The following EXOC4 variants were observed in gnomAD, a reference collection of about 807,000 sequenced individuals.
EXOC4 encodes SEC8-like 1.
EXOC4 carries 71 observed loss-of-function variants against 107.2 expected under a neutral mutation model. The ratio of observed to expected loss-of-function variants is 0.66; its 90% CI spans 0.55 to 0.81. The LOEUF is 0.81. EXOC4 is among the 30% of genes least tolerant of loss of function. The pLI is 0.00. For synonymous variants in EXOC4, 456 were observed against 441.2 expected, an observed-to-expected ratio of 1.03 and a Z score of -0.42; for missense variants, 1,108 against 1,189.6, an observed-to-expected ratio of 0.93 and a Z score of 1.01.
chr7:133,813,413 T>C (rs1050358937), intron 10 of EXOC4, among the ~76,000 whole-genome samples: 3 of 152,232 alleles, frequency 2.0e-5, no homozygotes, highest in Non-Finnish European at 4.4e-5. Flanking sequence ...ATAGAGATTC[T>C]GATGATTAAT....
chr7:133,905,298 G>C (rs1318970639), intron 12 of EXOC4, among the ~76,000 whole-genome samples: 1 of 152,194 alleles, frequency 6.6e-6, no homozygotes, highest in Non-Finnish European at 1.5e-5. Context: ...TCTAGAGACA[G>C]ACTGTGCCTC....
At chr7:133,370,649 C>T (rs143279304) in intron 6 of EXOC4, among the ~76,000 whole-genome samples, 261 of 152,232 alleles carry the variant, frequency 1.7e-3, no homozygotes, top group African/African-American at 5.9e-3. Context: ...GAATGGGAGG[C>T]AGGTTTGCAC....
At chr7:133,598,912 A>G (rs2150985153) in intron 9 of EXOC4, among the ~76,000 whole-genome samples, 2 of 152,250 alleles carry the variant, frequency 1.3e-5, no homozygotes, top group African/African-American at 4.8e-5. Flanking sequence ...TGAACCCACT[A>G]GGCACAGGTT....
At chr7:133,329,846 A>G (rs922112195) in intron 5 of EXOC4, among the ~76,000 whole-genome samples, 46 of 152,120 alleles carry the variant, frequency 3.0e-4, no homozygotes, top group African/African-American at 1.1e-3. Context: ...GCTCTCCTTT[A>G]TGAGGTGTCT....
At chr7:133,591,321 G>C (rs1801537015) in intron 9 of EXOC4, among the ~76,000 whole-genome samples, 1 of 152,038 alleles carries the variant, frequency 6.6e-6, no homozygotes, top group African/African-American at 2.4e-5. Context: ...GGTGAGCCTT[G>C]GCACCCCAGC....
At chr7:133,853,520 T>C (rs1265567103) in intron 11 of EXOC4, among the ~76,000 whole-genome samples, 1 of 152,136 alleles carries the variant, frequency 6.6e-6, no homozygotes, top group African/African-American at 2.4e-5. Flanking sequence ...CATGCACCAC[T>C]GCACCTGGTT....
chr7:133,950,415 C>G (rs141858280), intron 14 of EXOC4, among the ~76,000 whole-genome samples: 1 of 152,014 alleles, frequency 6.6e-6, no homozygotes, highest in Non-Finnish European at 1.5e-5. Context: ...TATACTTTAC[C>G]CAAGCTTTGG....
chr7:133,309,063 G>A (rs1179375366), intron 4 of EXOC4, among the ~76,000 whole-genome samples: 2 of 152,038 alleles, frequency 1.3e-5, no homozygotes, highest in Non-Finnish European at 2.9e-5. Flanking sequence ...TTTCTATCTG[G>A]GACATAGATT....
intron 14 of EXOC4, among the ~76,000 whole-genome samples, chr7:133,945,873 T>A (rs1289837597): frequency 6.6e-6 from 1 of 152,210 alleles, no homozygotes; most frequent in African/African-American, 2.4e-5. Flanking sequence ...CTCCAGCTGT[T>A]TGTTTTTCTG....
intron 11 of EXOC4, among the ~76,000 whole-genome samples, chr7:133,877,324 A>G (rs1340674695): frequency 6.6e-6 from 1 of 152,096 alleles, no homozygotes; most frequent in Non-Finnish European, 1.5e-5. Flanking sequence ...ATGCCTGGTA[A>G]TGTTTTTATT....
intron 10 of EXOC4, among the ~76,000 whole-genome samples, chr7:133,680,160 T>C (rs7778178): frequency 0.98 from 149,979 of 152,282 alleles, 73,913 homozygotes; most frequent in Middle Eastern, 1. Context: ...AGCTTTGATA[T>C]CAGATTCTGA....
chr7:133,490,018 G>A (rs370684265), intron 9 of EXOC4, among the ~76,000 whole-genome samples: 4 of 152,172 alleles, frequency 2.6e-5, no homozygotes, highest in Non-Finnish European at 5.9e-5. Flanking sequence ...GGAAGAAAGA[G>A]GCTGTCTTTC....
chr7:133,465,623 G>A (rs901168705), intron 7 of EXOC4, among the ~76,000 whole-genome samples: 2 of 152,102 alleles, frequency 1.3e-5, no homozygotes, highest in Admixed American at 6.5e-5. Context: ...TTCTCCATGT[G>A]AGTCTATATG....
chr7:133,506,722 A>C (rs567743352), intron 9 of EXOC4, among the ~76,000 whole-genome samples: 5 of 152,208 alleles, frequency 3.3e-5, no homozygotes, highest in African/African-American at 1.2e-4. Flanking sequence ...CCTTGACATC[A>C]TTTAATATTA....
intron 10 of EXOC4, among the ~76,000 whole-genome samples, chr7:133,641,236 C>T (rs1246468128): frequency 3.3e-5 from 5 of 152,090 alleles, no homozygotes; most frequent in African/African-American, 7.2e-5. Flanking sequence ...CTTCTGGTCC[C>T]TAACAGGCAG....
At chr7:133,305,069 CTT>C (rs776307665) in intron 3 of EXOC4, among the ~76,000 whole-genome samples, 7 of 141,546 alleles carry the variant, frequency 4.9e-5, no homozygotes, top group Admixed American at 1.4e-4. Context: ...TGCATGCTGT[CTT>C]TTTTTTTTTT....
chr7:133,318,198 A>G (rs1795034916), intron 5 of EXOC4, among the ~76,000 whole-genome samples: 1 of 152,224 alleles, frequency 6.6e-6, no homozygotes, highest in African/African-American at 2.4e-5. Flanking sequence ...CTTTGAGGAA[A>G]TATCTACAAA....
chr7:134,008,937 T>G (rs1193883567), intron 17 of EXOC4, among the ~76,000 whole-genome samples: 1 of 152,178 alleles, frequency 6.6e-6, no homozygotes, highest in Non-Finnish European at 1.5e-5. Flanking sequence ...GGCCTTGATC[T>G]CAATTTTTAA....
At position 133,857,181 on chromosome 7, in the gene EXOC4, TA is replaced by T. The variant is rs1563029872; in HGVS notation, c.1735-38417del. Among the ~76,000 whole-genome samples the T allele has an allele frequency of 8.6e-4, 16 of 18,692 alleles. 2 individuals carry two copies. Among genetic ancestry groups the T allele is most frequent in the Non-Finnish European group, 1.1e-3 (13 of 11,364 alleles). 12.3% of individuals were successfully genotyped at this position (18,692 alleles called of 152,430 possible). On this transcript the variant is annotated intron_variant, in intron 11 of 17. Coordinates refer to ENST00000253861, the MANE Select transcript of EXOC4 (RefSeq NM_021807.4). The stretch of plus-strand genomic sequence containing the variant: ...ATATATATATATATATATATATATA[TA>T]TATATATATATATATATATTTTACC...
Sources: gnomAD v4.1 joint callset for allele counts (sites outside exome capture counted in the v4.1 genomes callset) on GRCh38, gnomAD v4.1.1 for gene constraint, MANE v1.5 for transcripts, NCBI Gene and HGNC (gene_info 2026-07-23, HGNC 2026-07-21) for gene names.